Variants in CCDC63 observed in about 807,000 individuals in gnomAD.
CCDC63 encodes coiled-coil domain-containing protein 63.
CCDC63 carries 54 observed loss-of-function variants against 63.6 expected under a neutral mutation model. The observed-to-expected ratio is 0.85, with a 90% CI of 0.68 to 1.07. The LOEUF (loss-of-function observed/expected upper bound fraction) is 1.07, where lower values mean the gene tolerates loss of function less well. CCDC63 is among the 50% of genes least tolerant of loss of function. The probability of loss-of-function intolerance (pLI) is 0.00; values close to 1 mark genes in which losing one functional copy is unlikely to be tolerated. For missense variants in CCDC63, 637 were observed against 689.6 expected (o/e 0.92, Z 0.86); for synonymous variants, 253 against 266.1 (o/e 0.95, Z 0.48).
rs1212221108 is a variant in CCDC63, at chr12:110,899,070, G to T, written c.1287G>T (p.Leu429=). The T allele has an allele frequency of 1.9e-6, 3 of 1,613,792 alleles. No homozygotes were observed. The highest frequency in any genetic ancestry group is 2.7e-5 in the African/African-American group (2 of 74,912). The change falls in exon 10 of 12, where the codon CTG becomes CTT. Residue 429 remains leucine, a synonymous_variant. Coordinates refer to ENST00000308208, the MANE Select transcript of CCDC63 (RefSeq NM_152591.3). The stretch of plus-strand genomic sequence containing the variant: ...TAAACTGTGACGCCACCAAGATCCT[G>T]GTGCAGTTAGGGGAGACGGGGAAAG... ...KKINCDATKI[L]VQLGETGKVT...
chr12:110,892,003 G>A (rs2071363013), intron 8 of CCDC63, among the ~76,000 whole-genome samples: 3 of 152,164 alleles, frequency 2.0e-5, no homozygotes, highest in African/African-American at 7.2e-5. Flanking sequence ...TCTCAAAGCT[G>A]GTCCCTGGGA....
In CCDC63 at chr12:110,898,925, G is replaced by A; in HGVS notation, c.1150-8G>A. On this transcript the variant is annotated splice_region_variant and splice_polypyrimidine_tract_variant and intron_variant, in intron 9 of 11. Coordinates refer to ENST00000308208, the MANE Select transcript of CCDC63 (RefSeq NM_152591.3). Reference sequence around the variant, plus strand: ...CCTGAGCAGGTGGGAATTGGGGTCTGCCACCAGGATAAACTGAGGAAGACC... The same window carrying A: ...CCTGAGCAGGTGGGAATTGGGGTCTACCACCAGGATAAACTGAGGAAGACC... The A allele has an allele frequency of 6.3e-7, 1 of 1,578,770 alleles. No individual in the cohort carries two copies. The highest frequency in any genetic ancestry group is 8.6e-7 in the Non-Finnish European group (1 of 1,159,100).
At chr12:110,905,949 ATATTAT>A (rs2071563800) in intron 11 of CCDC63, among the ~76,000 whole-genome samples, 3 of 35,822 alleles carry the variant, frequency 8.4e-5, no homozygotes, top group African/African-American at 4.1e-4. Context: ...AATATATATT[ATATTAT>A]TATAATATAT....
intron 4 of CCDC63, among the ~76,000 whole-genome samples, chr12:110,860,383 C>T (rs1452636498): frequency 2.6e-5 from 4 of 152,164 alleles, no homozygotes; most frequent in East Asian, 1.9e-4. Context: ...TGGTGTTTAA[C>T]GGCTCCCTAA....
intron 4 of CCDC63, among the ~76,000 whole-genome samples, chr12:110,867,580 C>T (rs1443986453): frequency 1.2e-4 from 16 of 134,466 alleles, no homozygotes; most frequent in African/African-American, 2.9e-4. Flanking sequence ...GGGGGGCTGA[C>T]CCCCCCACCT....
In CCDC63 at chr12:110,904,594, T is replaced by G; in HGVS notation, c.1349T>G (p.Ile450Ser). ...DINLPQYFAIIEKKTNDLLLL... is the reference protein window; with the variant it reads ...DINLPQYFAISEKKTNDLLLL... ...CCTGCTTCTTGTTCTCCAGCCATCA[T>G]TGAAAAGAAGACCAACGACCTGCTG... The change falls in exon 11 of 12, where the codon ATT (isoleucine) becomes AGT (serine). Residue 450 changes from isoleucine to serine, a missense_variant. Coordinates refer to ENST00000308208, the MANE Select transcript of CCDC63 (RefSeq NM_152591.3). The G allele has an allele frequency of 6.2e-7, 1 of 1,614,004 alleles. No homozygotes were observed. The highest frequency in any genetic ancestry group is 8.5e-7 in the Non-Finnish European group (1 of 1,179,958).
chr12:110,858,454 C>A, intron 3 of CCDC63, 132 bp from the exon 4 acceptor site: 2 of 684,730 alleles, frequency 2.9e-6, no homozygotes, highest in South Asian at 4.1e-5. Flanking sequence ...ACCATGGACA[C>A]GTCCCTTTTG....
At chr12:110,868,592 G>C (rs1269059473) in intron 4 of CCDC63, among the ~76,000 whole-genome samples, 1 of 151,698 alleles carries the variant, frequency 6.6e-6, no homozygotes, top group Non-Finnish European at 1.5e-5. Flanking sequence ...GTGGCGGCGC[G>C]TGCCTGCAAT....
chr12:110,854,558 G>A (rs1463297209), intron 3 of CCDC63, among the ~76,000 whole-genome samples: 4 of 151,996 alleles, frequency 2.6e-5, no homozygotes, highest in Admixed American at 6.6e-5. Flanking sequence ...GCCTCCTAAA[G>A]TGCTGGGATT....
At chr12:110,885,007 TG>T (rs958732984) in intron 8 of CCDC63, among the ~76,000 whole-genome samples, 1 of 151,928 alleles carries the variant, frequency 6.6e-6, no homozygotes, top group African/African-American at 2.4e-5. Context: ...GGCCTGTAAT[TG>T]TCTTTCAATG....
intron 1 of CCDC63, among the ~76,000 whole-genome samples, chr12:110,850,665 C>T (rs892523420): frequency 1.3e-4 from 20 of 152,058 alleles, no homozygotes; most frequent in African/African-American, 4.6e-4. Flanking sequence ...CGCTTGAACC[C>T]GGGAGGCAGA....
In CCDC63 at chr12:110,848,203, G is replaced by A. The variant is rs570617528; in HGVS notation, c.-97+1098G>A. Among the ~76,000 whole-genome samples, 8 of 152,372 alleles carry A rather than the reference G, an allele frequency of 5.3e-5. No individual in the cohort carries two copies. In the South Asian group the frequency reaches 1.2e-3, roughly 24 times the overall value. ...CCAATAGGGAGGAGTGGGGCCTGTG[G>A]CCAGGAGAGTGAGTGCATGACCCAC... On this transcript the variant is annotated intron_variant, in intron 1 of 11. Transcript: ENST00000308208.
intron 3 of CCDC63, among the ~76,000 whole-genome samples, chr12:110,858,163 A>AAAAG (rs1159215647): frequency 4.0e-5 from 6 of 150,620 alleles, no homozygotes; most frequent in African/African-American, 1.5e-4. Flanking sequence ...AAAATAAAAA[A>AAAAG]TAAAATAAAT....
In CCDC63 at chr12:110,880,067, T is replaced by A; in HGVS notation, c.651T>A (p.Ser217=). The A allele has an allele frequency of 6.2e-7, 1 of 1,614,096 alleles. No homozygotes were observed. ...CCATGAACTTGGCCATTGAGCAATCTTCTCAGGCCTATGAGCAGAGGTGGG... is the reference window on the plus strand; with the variant it reads ...CCATGAACTTGGCCATTGAGCAATCATCTCAGGCCTATGAGCAGAGGTGGG... ...KKTMNLAIEQ[S]SQAYEQRVEA... Residue 217 remains serine (S), a synonymous_variant, in exon 6 of 12, where the codon TCT becomes TCA. Transcript: ENST00000308208.
At chr12:110,879,504 CA>C (rs2071171289) in intron 5 of CCDC63, among the ~76,000 whole-genome samples, 1 of 152,168 alleles carries the variant, frequency 6.6e-6, no homozygotes, top group Non-Finnish European at 1.5e-5. Flanking sequence ...CAGCCCCACC[CA>C]ATTTTTTTTT....
intron 10 of CCDC63, among the ~76,000 whole-genome samples, chr12:110,902,109 G>A (rs1009450265): frequency 6.6e-6 from 1 of 152,130 alleles, no homozygotes; most frequent in Non-Finnish European, 1.5e-5. Context: ...GGGATTACAG[G>A]TGTGAGCCAC....
At chr12:110,903,207 C>T (rs957680341) in intron 10 of CCDC63, among the ~76,000 whole-genome samples, 3 of 152,034 alleles carry the variant, frequency 2.0e-5, no homozygotes, top group Admixed American at 6.5e-5. Flanking sequence ...GACAGGGTTT[C>T]ACCATGTTGG....
At chr12:110,899,995 CT>C (rs546691397) in intron 10 of CCDC63, among the ~76,000 whole-genome samples, 251 of 152,106 alleles carry the variant, frequency 1.7e-3, no homozygotes, top group African/African-American at 5.7e-3. Context: ...GGGCAGATCA[CT>C]TGAGGTCAGG....
chr12:110,878,910 A>G (rs1351881010), intron 5 of CCDC63, among the ~76,000 whole-genome samples: 1 of 152,198 alleles, frequency 6.6e-6, no homozygotes, highest in Non-Finnish European at 1.5e-5. Context: ...AAAAGCTAAG[A>G]CAATTTATAA....
Sources: gnomAD v4.1 joint callset for allele counts (sites outside exome capture counted in the v4.1 genomes callset) on GRCh38, gnomAD v4.1.1 for gene constraint, MANE v1.5 for transcripts, NCBI Gene and HGNC (gene_info 2026-07-23, HGNC 2026-07-21) for gene names.